The following GRID1 variants were observed in gnomAD, a reference collection of about 807,000 sequenced individuals.
GRID1 encodes glutamate receptor ionotropic, delta-1.
GRID1 carries 28 observed loss-of-function variants against 98.0 expected under a neutral mutation model. That is an observed-to-expected ratio of 0.29 (90% confidence interval 0.21 to 0.39). GRID1 has a LOEUF of 0.39. GRID1 is among the 10% of genes least tolerant of loss of function. The pLI, the probability that GRID1 is intolerant of heterozygous loss-of-function variation, is 1.00. For synonymous variants in GRID1, 553 were observed against 538.5 expected, an observed-to-expected ratio of 1.03 and a Z score of -0.37; for missense variants, 1,111 against 1,340.5, an observed-to-expected ratio of 0.83 and a Z score of 2.67.
At position 86,158,559 on chromosome 10, in the gene GRID1, C is replaced by T. The variant is rs186714493; in HGVS notation, c.521-19535G>A. 8.8e-4 allele frequency among the ~76,000 whole-genome samples: 134 copies of T among 152,318 alleles called. 1 individual carries two copies. Among genetic ancestry groups the T allele is most frequent in the Non-Finnish European group, 1.5e-3 (105 of 68,036 alleles). ...ACTTGAAAGGGCTCCCAGACCAAAA[C>T]AAGCACATGTGTGAGGTCACGGAGG... is the stretch of plus-strand genomic sequence containing the variant. On this transcript the variant is annotated intron_variant, in intron 3 of 15. Transcript: ENST00000327946.
At chr10:86,277,631 T>C (rs1162794098) in intron 2 of GRID1, among the ~76,000 whole-genome samples, 1 of 152,206 alleles carries the variant, frequency 6.6e-6, no homozygotes, top group Non-Finnish European at 1.5e-5. Flanking sequence ...TCTAATTAGA[T>C]TGTTATAAAT....
chr10:85,741,416 T>G (rs548886653), intron 8 of GRID1, among the ~76,000 whole-genome samples: 2 of 152,278 alleles, frequency 1.3e-5, no homozygotes, highest in South Asian at 2.1e-4. Context: ...TAGGCCCCTG[T>G]TAGTGTGTGG....
At chr10:86,211,508 C>G (rs1846107869) in intron 2 of GRID1, among the ~76,000 whole-genome samples, 1 of 152,204 alleles carries the variant, frequency 6.6e-6, no homozygotes, top group East Asian at 1.9e-4. Context: ...GGTGCCCAGA[C>G]AGCATTCGCA....
intron 2 of GRID1, among the ~76,000 whole-genome samples, chr10:86,220,054 C>T (rs1382292127): frequency 6.6e-6 from 1 of 152,218 alleles, no homozygotes; most frequent in Non-Finnish European, 1.5e-5. Flanking sequence ...GCACCTGCAC[C>T]ACACACAGAT....
In GRID1 at chr10:86,192,306, T is replaced by C. The variant is rs1329117101; in HGVS notation, c.520+14058A>G. Among the ~76,000 whole-genome samples, 2 of 152,206 alleles carry C rather than the reference T, an allele frequency of 1.3e-5. No individual in the cohort carries two copies. Among genetic ancestry groups the C allele is most frequent in the East Asian group, 3.9e-4 (2 of 5,184 alleles). On this transcript the variant is annotated intron_variant, in intron 3 of 15. Coordinates refer to ENST00000327946, the MANE Select transcript of GRID1 (RefSeq NM_017551.3). This position sits in a 1 kb window ranked among gnomAD's most constrained non-coding sequence, Gnocchi z 4.8. The stretch of plus-strand genomic sequence containing the variant: ...CCTTAAGTGTCCATCGATGGATGAA[T>C]AGGTCAATAAAATTCTGTCTATCCA...
At chr10:86,045,599 G>T (rs1034100051) in intron 4 of GRID1, among the ~76,000 whole-genome samples, 3 of 152,128 alleles carry the variant, frequency 2.0e-5, no homozygotes, top group Non-Finnish European at 2.9e-5. Flanking sequence ...CCTCTGGGAG[G>T]ATGAAGATAA....
intron 13 of GRID1, among the ~76,000 whole-genome samples, chr10:85,629,377 C>G (rs1458061035): frequency 1.3e-5 from 2 of 151,878 alleles, no homozygotes; most frequent in Non-Finnish European, 2.9e-5. Context: ...TCCCTTACCC[C>G]CATCCCACCC....
chr10:85,668,504 G>A (rs147805021), intron 12 of GRID1, among the ~76,000 whole-genome samples: 9 of 152,274 alleles, frequency 5.9e-5, no homozygotes, highest in Admixed American at 2.6e-4. Context: ...TTCTTTAGAC[G>A]CTACTGTTTA....
At chr10:85,696,275 A>G (rs1841391927) in intron 12 of GRID1, among the ~76,000 whole-genome samples, 1 of 152,132 alleles carries the variant, frequency 6.6e-6, no homozygotes. Flanking sequence ...AATAATTGCT[A>G]TGAAATAAAA....
chr10:85,787,010 C>T (rs1266547303), intron 8 of GRID1, among the ~76,000 whole-genome samples: 1 of 152,234 alleles, frequency 6.6e-6, no homozygotes, highest in Non-Finnish European at 1.5e-5. Flanking sequence ...AGGGCTCCCC[C>T]TCTGCCTCCC....
intron 8 of GRID1, among the ~76,000 whole-genome samples, chr10:85,793,459 T>C (rs923067512): frequency 2.6e-5 from 4 of 152,234 alleles, no homozygotes; most frequent in Non-Finnish European, 4.4e-5. Flanking sequence ...ACAAAGACCA[T>C]ATTTCTTACT....
chr10:86,268,241 G>A (rs541493724), intron 2 of GRID1, among the ~76,000 whole-genome samples: 93 of 152,316 alleles, frequency 6.1e-4, no homozygotes, highest in Middle Eastern at 3.4e-3. Flanking sequence ...GGCCTGCCAG[G>A]GACCTGCTCT....
At chr10:85,890,464 G>A (rs1841184115) in intron 5 of GRID1, among the ~76,000 whole-genome samples, 1 of 152,096 alleles carries the variant, frequency 6.6e-6, no homozygotes, top group Non-Finnish European at 1.5e-5. Flanking sequence ...TTTAAGAAAT[G>A]CATAAAGAAA....
chr10:86,056,361 GA>G (rs1189905210), intron 4 of GRID1, among the ~76,000 whole-genome samples: 1 of 152,194 alleles, frequency 6.6e-6, no homozygotes, highest in Non-Finnish European at 1.5e-5. Context: ...ATCTCCCAAG[GA>G]AGTGCTCATT....
intron 8 of GRID1, among the ~76,000 whole-genome samples, chr10:85,820,947 T>C (rs1367290048): frequency 3.3e-5 from 5 of 152,174 alleles, no homozygotes. Flanking sequence ...TATATCCACA[T>C]GAAGACATTT....
intron 8 of GRID1, among the ~76,000 whole-genome samples, chr10:85,741,434 G>A (rs1470707026): frequency 6.6e-6 from 1 of 152,052 alleles, no homozygotes; most frequent in Non-Finnish European, 1.5e-5. Flanking sequence ...TGGTCAGTGG[G>A]CCAGGAGCAT....
At chr10:86,297,358 C>T (rs770470272) in intron 2 of GRID1, among the ~76,000 whole-genome samples, 4 of 152,130 alleles carry the variant, frequency 2.6e-5, no homozygotes, top group Admixed American at 6.5e-5. Context: ...AAGCAGGTAT[C>T]AACAAGCCAT....
intron 12 of GRID1, among the ~76,000 whole-genome samples, chr10:85,670,500 G>T (rs962031828): frequency 3.9e-5 from 6 of 152,178 alleles, no homozygotes; most frequent in African/African-American, 7.2e-5. Flanking sequence ...GGTCAGAAAT[G>T]ATATCAGAAG....
intron 8 of GRID1, among the ~76,000 whole-genome samples, chr10:85,832,266 G>A (rs1054101176): frequency 3.3e-5 from 5 of 151,910 alleles, no homozygotes; most frequent in Admixed American, 2.0e-4. Context: ...ATACAAACTC[G>A]TTCAGAAATA....
Sources: gnomAD v4.1 joint callset for allele counts (sites outside exome capture counted in the v4.1 genomes callset) on GRCh38, gnomAD v4.1.1 for gene constraint, Gnocchi (gnomAD v3.1) non-coding constraint, MANE v1.5 for transcripts, NCBI Gene and HGNC (gene_info 2026-07-23, HGNC 2026-07-21) for gene names.